The following PARVA variants were observed in gnomAD, a reference collection of about 807,000 sequenced individuals.
PARVA encodes alpha-parvin.
Under a neutral mutation model 52.6 loss-of-function variants are expected in PARVA, and 25 were observed. That is an observed-to-expected ratio of 0.48 (90% CI 0.35 to 0.66). PARVA has a LOEUF of 0.66. PARVA is among the 30% of genes least tolerant of loss of function. The probability of loss-of-function intolerance (pLI) is 0.01; values close to 1 mark genes in which losing one functional copy is unlikely to be tolerated. For missense variants in PARVA, 373 were observed against 450.9 expected, an observed-to-expected ratio of 0.83 and a Z score of 1.56; for synonymous variants, 185 against 179.1, an observed-to-expected ratio of 1.03 and a Z score of -0.26.
chr11:12,430,826 AAATCCAAACG>A (rs1210005125), intron 1 of PARVA, among the ~76,000 whole-genome samples: 1 of 152,204 alleles, frequency 6.6e-6, no homozygotes, highest in Non-Finnish European at 1.5e-5. Context: ...CTCCTAAAAG[AAATCCAAACG>A]TGCTTGACAG....
At chr11:12,426,672 C>A (rs980473925) in intron 1 of PARVA, among the ~76,000 whole-genome samples, 1 of 152,122 alleles carries the variant, frequency 6.6e-6, no homozygotes, top group East Asian at 1.9e-4. Flanking sequence ...AAGCAACTAG[C>A]CCAGGGTCAC....
At chr11:12,390,059 GA>G (rs1308425385) in intron 1 of PARVA, among the ~76,000 whole-genome samples, 1 of 152,166 alleles carries the variant, frequency 6.6e-6, no homozygotes, top group African/African-American at 2.4e-5. Context: ...ATCTCTTGGG[GA>G]TGATGATGAA....
chr11:12,451,921 A>C (rs1940628442), intron 1 of PARVA, among the ~76,000 whole-genome samples: 1 of 152,020 alleles, frequency 6.6e-6, no homozygotes, highest in Non-Finnish European at 1.5e-5. Context: ...CCCCTTTCTC[A>C]AATGATCATG....
intron 1 of PARVA, among the ~76,000 whole-genome samples, chr11:12,438,956 C>T (rs1389984932): frequency 6.6e-6 from 1 of 152,100 alleles, no homozygotes; most frequent in East Asian, 1.9e-4. Flanking sequence ...ATTGGCCCAG[C>T]AGTTCAGAGG....
In PARVA at chr11:12,442,549, T is replaced by C. The variant is rs578203114; in HGVS notation, c.137-31196T>C. On this transcript the variant is annotated intron_variant, in intron 1 of 12. Coordinates refer to ENST00000334956, the MANE Select transcript of PARVA (RefSeq NM_018222.5). ...CTTGAGGCTGCTTTAAAGAGGGAGATGTGGAGGAGATGTAGGGCAGAAGTC... is the reference window on the plus strand; with the variant it reads ...CTTGAGGCTGCTTTAAAGAGGGAGACGTGGAGGAGATGTAGGGCAGAAGTC... Among the ~76,000 whole-genome samples the C allele has an allele frequency of 6.6e-5, 10 of 151,960 alleles. No homozygotes were observed. In the South Asian group the frequency reaches 2.1e-3, roughly 32 times the overall value.
chr11:12,420,336 G>A lies in PARVA; in HGVS notation c.136+42553G>A, dbSNP rs186735294. 5.4e-3 allele frequency among the ~76,000 whole-genome samples: 815 copies of A among 152,222 alleles called. 8 individuals are homozygous for A. The highest frequency in any genetic ancestry group is 0.02 in the Middle Eastern group (6 of 294). On this transcript the variant is annotated intron_variant, in intron 1 of 12. Transcript: ENST00000334956. The stretch of plus-strand genomic sequence containing the variant: ...AAATTATTGTGTGTTTAATTTGAAC[G>A]GGAACTTCATGAATGAGATGTCTCC...
intron 3 of PARVA, 76 bp downstream of exon 3, chr11:12,474,059 G>GTGGCA: frequency 8.2e-7 from 1 of 1,216,952 alleles, no homozygotes; most frequent in Non-Finnish European, 1.2e-6. Flanking sequence ...CTCTGTGCAG[G>GTGGCA]TACCCCACGA....
At chr11:12,463,651 A>G (rs781218988) in intron 1 of PARVA, among the ~76,000 whole-genome samples, 71 of 152,306 alleles carry the variant, frequency 4.7e-4, no homozygotes, top group Admixed American at 1.0e-3. Context: ...CTTCCTATAC[A>G]GTACTCTTTC....
At chr11:12,476,730 G>A (rs1941019319) in intron 3 of PARVA, among the ~76,000 whole-genome samples, 1 of 152,130 alleles carries the variant, frequency 6.6e-6, no homozygotes, top group Non-Finnish European at 1.5e-5. Flanking sequence ...TGGATACAGT[G>A]CAGTGCCTGG....
At chr11:12,395,373 G>C (rs1169342398) in intron 1 of PARVA, among the ~76,000 whole-genome samples, 1 of 152,226 alleles carries the variant, frequency 6.6e-6, no homozygotes, top group African/African-American at 2.4e-5. Flanking sequence ...CAGGGGCTCT[G>C]TTTGGGAGCC....
At chr11:12,376,444 G>A (rs1287583890), upstream of PARVA, among the ~76,000 whole-genome samples, 2 of 152,188 alleles carry the variant, frequency 1.3e-5, no homozygotes, top group Non-Finnish European at 2.9e-5. Context: ...CTACTCCTCA[G>A]CATGCACGTG....
At chr11:12,383,976 A>G (rs1939533291) in intron 1 of PARVA, among the ~76,000 whole-genome samples, 1 of 152,100 alleles carries the variant, frequency 6.6e-6, no homozygotes, top group Admixed American at 6.5e-5. Context: ...GAGACCAGCT[A>G]TGAGCTCCTT....
At chr11:12,449,120 A>G (rs1036199097) in intron 1 of PARVA, among the ~76,000 whole-genome samples, 2 of 151,736 alleles carry the variant, frequency 1.3e-5, no homozygotes, top group South Asian at 2.1e-4. Flanking sequence ...GTTTACCAAA[A>G]GGGGCATTTA....
At chr11:12,463,625 CCTAA>C (rs1483817747) in intron 1 of PARVA, among the ~76,000 whole-genome samples, 1 of 152,154 alleles carries the variant, frequency 6.6e-6, no homozygotes, top group Non-Finnish European at 1.5e-5. Flanking sequence ...CACTGTAAAG[CCTAA>C]CTTTTTTCCT....
rs985515640 is a variant in PARVA at position 12,487,840 on chromosome 11, G to A, written c.401-8618G>A. Reference sequence around the variant, plus strand: ...GTGTGTGTCAAGGGACACATACAATGTTTGTATGCATAGAATATTTCTCGT... The same window carrying A: ...GTGTGTGTCAAGGGACACATACAATATTTGTATGCATAGAATATTTCTCGT... On this transcript the variant is annotated intron_variant, in intron 4 of 12. Coordinates refer to ENST00000334956, the MANE Select transcript of PARVA (RefSeq NM_018222.5). 2.9e-4 allele frequency among the ~76,000 whole-genome samples: 44 copies of A among 152,138 alleles called. 1 individual carries two copies. The highest frequency in any genetic ancestry group is 8.3e-4 in the South Asian group (4 of 4,830).
chr11:12,425,436 G>A (rs1940217496), intron 1 of PARVA, among the ~76,000 whole-genome samples: 1 of 152,114 alleles, frequency 6.6e-6, no homozygotes, highest in Non-Finnish European at 1.5e-5. Flanking sequence ...CAGTCTTCTA[G>A]TTGCACCCCT....
chr11:12,394,495 A>G (rs1350835474), intron 1 of PARVA, among the ~76,000 whole-genome samples: 1 of 152,202 alleles, frequency 6.6e-6, no homozygotes, highest in East Asian at 1.9e-4. Flanking sequence ...TTCAAGGTAC[A>G]TACTGAAATG....
chr11:12,486,011 G>A (rs192946854), intron 4 of PARVA, among the ~76,000 whole-genome samples: 47 of 152,260 alleles, frequency 3.1e-4, no homozygotes, highest in East Asian at 2.3e-3. Context: ...ATCCTAGACC[G>A]TTTCCTGAAA....
Position 12,498,660 on chromosome 11 carries a change from C to T in PARVA, c.541+2062C>T, listed in dbSNP as rs548054726. Among the ~76,000 whole-genome samples, 19 of 150,242 alleles carry T rather than the reference C, an allele frequency of 1.3e-4. No individual in the cohort carries two copies. The East Asian group carries it at 2.6e-3, about 20-fold the overall frequency. On this transcript the variant is annotated intron_variant, in intron 5 of 12. Coordinates refer to ENST00000334956, the MANE Select transcript of PARVA (RefSeq NM_018222.5). ...CACAATCTTGGCTCACTGCAACCTTCGCCTCCTGGGTTCAAGCAGTTCTCC... is the reference window on the plus strand; with the variant it reads ...CACAATCTTGGCTCACTGCAACCTTTGCCTCCTGGGTTCAAGCAGTTCTCC...
Sources: allele counts gnomAD v4.1 joint callset (sites outside exome capture counted in the v4.1 genomes callset), GRCh38; gene constraint gnomAD v4.1.1; transcripts MANE v1.5; gene names NCBI Gene and HGNC (gene_info 2026-07-23, HGNC 2026-07-21).